Variants in PAX7 observed in about 807,000 individuals in gnomAD.
PAX7 encodes the protein paired box 7, also known as paired box protein Pax-7.
A neutral mutation model predicts 50.7 loss-of-function variants in PAX7; 18 were observed. The observed-to-expected ratio is 0.36, with a 90% CI of 0.25 to 0.53. The LOEUF is 0.53. Among genes scored for constraint, PAX7 ranks in the 20% least tolerant of loss-of-function variants. The pLI is 0.93. For synonymous variants in PAX7, 310 were observed against 290.4 expected, an observed-to-expected ratio of 1.07 and a Z score of -0.69; for missense variants, 644 against 702.9, an observed-to-expected ratio of 0.92 and a Z score of 0.95.
intron 4 of PAX7, among the ~76,000 whole-genome samples, chr1:18,684,830 G>A (rs1436568812): frequency 6.6e-6 from 1 of 152,196 alleles, no homozygotes; most frequent in African/African-American, 2.4e-5. Flanking sequence ...CGCAGAAGCA[G>A]GGGTGGGAGG....
At chr1:18,731,562 G>A (rs2089647606) in intron 7 of PAX7, among the ~76,000 whole-genome samples, 2 of 151,966 alleles carry the variant, frequency 1.3e-5, no homozygotes, top group African/African-American at 4.8e-5. Context: ...GCCAATATAT[G>A]ACTCAGGCCT....
At chr1:18,649,154 C>T (rs2100452923) in intron 4 of PAX7, among the ~76,000 whole-genome samples, 1 of 152,224 alleles carries the variant, frequency 6.6e-6, no homozygotes, top group Non-Finnish European at 1.5e-5. Context: ...GAGGGAGTGA[C>T]ATGAGTGAGG....
At chr1:18,717,561 G>T (rs1357083966) in intron 7 of PAX7, among the ~76,000 whole-genome samples, 1 of 152,156 alleles carries the variant, frequency 6.6e-6, no homozygotes, top group Non-Finnish European at 1.5e-5. Context: ...TGGCTGTGGT[G>T]GCCAGGCCCC....
In PAX7 at chr1:18,633,688, G is replaced by A. The variant is rs114125580; in HGVS notation, c.86-615G>A. On this transcript the variant is annotated intron_variant, in intron 1 of 8. Transcript: ENST00000420770. ...CAGCAGCCAACAGCATATGTCACCC[G>A]TCCCTCGGCTGTGCCTCAGCTGTTC... Among the ~76,000 whole-genome samples, 1,136 of 152,316 alleles carry A rather than the reference G, an allele frequency of 7.5e-3. 14 individuals carry two copies. Among genetic ancestry groups the A allele is most frequent in the African/African-American group, 0.021 (864 of 41,556 alleles).
At chr1:18,697,391 C>A (rs1452679345) in intron 5 of PAX7, among the ~76,000 whole-genome samples, 1 of 152,194 alleles carries the variant, frequency 6.6e-6, no homozygotes, top group Admixed American at 6.5e-5. Context: ...ACCCTTCCAG[C>A]TCAGCTATCT....
intron 7 of PAX7, among the ~76,000 whole-genome samples, chr1:18,729,787 G>T (rs2089622393): frequency 6.6e-6 from 1 of 152,052 alleles, no homozygotes; most frequent in South Asian, 2.1e-4. Context: ...AGGCCAGAGT[G>T]GGGTGCAACT....
intron 4 of PAX7, among the ~76,000 whole-genome samples, chr1:18,672,596 G>GTTTTTTT (rs1034079316): frequency 4.0e-5 from 5 of 125,820 alleles, no homozygotes; most frequent in Non-Finnish European, 3.2e-5. Flanking sequence ...AGAGCACTGT[G>GTTTTTTT]TTTTTTTTTT....
chr1:18,725,312 C>CT (rs1553142821), intron 7 of PAX7, among the ~76,000 whole-genome samples: 1 of 45,082 alleles, frequency 2.2e-5, no homozygotes. Flanking sequence ...GCCCCCCCCC[C>CT]GCCCCACCAA....
chr1:18,635,401 G>A, intron 3 of PAX7, among the ~76,000 whole-genome samples, 161 bp downstream of exon 3: 1 of 151,694 alleles, frequency 6.6e-6, no homozygotes. Flanking sequence ...TTAAGGCATA[G>A]GAGTAAATCA....
intron 4 of PAX7, among the ~76,000 whole-genome samples, chr1:18,665,312 T>C (rs2088652839): frequency 6.6e-6 from 1 of 152,170 alleles, no homozygotes; most frequent in African/African-American, 2.4e-5. Context: ...TGAGGCGGGC[T>C]TGTGCCTGGA....
chr1:18,663,992 C>T (rs2088633842), intron 4 of PAX7, among the ~76,000 whole-genome samples: 2 of 152,250 alleles, frequency 1.3e-5, no homozygotes, highest in Non-Finnish European at 2.9e-5. Flanking sequence ...AGCCCCCACC[C>T]CACCCACTGG....
intron 4 of PAX7, among the ~76,000 whole-genome samples, chr1:18,686,510 C>T (rs923240839): frequency 6.6e-6 from 1 of 152,188 alleles, no homozygotes; most frequent in Non-Finnish European, 1.5e-5. Flanking sequence ...CCCCCACGTC[C>T]CCCTCCTCGA....
chr1:18,716,567 CTCCCTTCGCGCCCCATT>C (rs1362009559), intron 7 of PAX7, among the ~76,000 whole-genome samples: 1 of 151,456 alleles, frequency 6.6e-6, no homozygotes, highest in Non-Finnish European at 1.5e-5. Flanking sequence ...TTCCTCTTTT[CTCCCTTCGCGCCCCATT>C]TCCCTTCGCC....
At chr1:18,683,227 G>C (rs1293078846) in intron 4 of PAX7, among the ~76,000 whole-genome samples, 3 of 152,224 alleles carry the variant, frequency 2.0e-5, no homozygotes, top group African/African-American at 7.2e-5. Context: ...CATTTGAAAT[G>C]AATCAAGCGT....
At chr1:18,712,505 C>T (rs576692174) in intron 7 of PAX7, among the ~76,000 whole-genome samples, 5 of 152,118 alleles carry the variant, frequency 3.3e-5, no homozygotes, top group African/African-American at 7.2e-5. Context: ...GGAGGAAACC[C>T]CTCCCGGAAA....
chr1:18,637,689 C>T (rs1040766927), intron 4 of PAX7, among the ~76,000 whole-genome samples: 2 of 152,234 alleles, frequency 1.3e-5, no homozygotes, highest in Non-Finnish European at 2.9e-5. Flanking sequence ...CCCATCTACG[C>T]CCAGCCCCCA....
rs1011079478 is a variant in PAX7 at position 18,736,237 on chromosome 1, A to G, written c.1402+359A>G. 18 of 508,362 alleles carry G rather than the reference A, an allele frequency of 3.5e-5. No individual in the cohort carries two copies. The East Asian group carries it at 6.0e-4, about 17-fold the overall frequency. The allele number at this position is 508,362 out of a possible 1,614,324, so 31.5% of individuals were successfully genotyped here. The stretch of plus-strand genomic sequence containing the variant: ...CCCAGCACTTTGGAAGGCTGAGGCA[A>G]ACGAATCACTTGAGCCCAGGAGTTC... On this transcript the variant is annotated intron_variant, in intron 8 of 8. Transcript: ENST00000420770.
At chr1:18,645,584 A>C (rs1248765495) in intron 4 of PAX7, among the ~76,000 whole-genome samples, 2 of 152,200 alleles carry the variant, frequency 1.3e-5, no homozygotes, top group African/African-American at 4.8e-5. Context: ...GCGGGCTCCA[A>C]TTCAGGCCGA....
intron 4 of PAX7, among the ~76,000 whole-genome samples, chr1:18,653,695 C>T (rs1033602062): frequency 6.6e-6 from 1 of 151,808 alleles, no homozygotes; most frequent in Non-Finnish European, 1.5e-5. Flanking sequence ...TGGTTCTGAA[C>T]GTATCTGCCC....
Sources: allele counts gnomAD v4.1 joint callset (sites outside exome capture counted in the v4.1 genomes callset), GRCh38; gene constraint gnomAD v4.1.1; transcripts MANE v1.5; gene names NCBI Gene and HGNC (gene_info 2026-07-23, HGNC 2026-07-21).